The following CTNNA2 variants were observed in gnomAD, a reference collection of about 807,000 sequenced individuals.
CTNNA2 encodes the protein catenin alpha 2, also known as catenin alpha-2.
Under a neutral mutation model 101.0 loss-of-function variants are expected in CTNNA2, and 42 were observed. That is an observed-to-expected ratio of 0.42 (90% CI 0.32 to 0.54). The LOEUF (loss-of-function observed/expected upper bound fraction) is 0.54, where lower values mean the gene tolerates loss of function less well. CTNNA2 is among the 20% of genes least tolerant of loss of function. The pLI is 0.14. For missense variants in CTNNA2, 871 were observed against 1,223.1 expected (o/e 0.71, Z 4.29); for synonymous variants, 450 against 456.4 (o/e 0.99, Z 0.18).
chr2:79,979,177 G>T (rs1413728136), intron 7 of CTNNA2, among the ~76,000 whole-genome samples: 1 of 151,986 alleles, frequency 6.6e-6, no homozygotes, highest in African/African-American at 2.4e-5. Context: ...CATCAGTCCA[G>T]GATTTTGACC....
intron 7 of CTNNA2, among the ~76,000 whole-genome samples, chr2:79,958,702 T>G (rs931896075): frequency 1.3e-5 from 2 of 152,228 alleles, no homozygotes; most frequent in Non-Finnish European, 2.9e-5. Flanking sequence ...TGAGTCGTAT[T>G]AAGCAACTGA....
rs139429628 is a variant in CTNNA2 at position 80,363,939 on chromosome 2, A to G, written c.1057-29272A>G. ...GTGCTACACTTGTGTCGCTTACCCA[A>G]TTACAGCTAATTTTCTTGCATGCAA... On this transcript the variant is annotated intron_variant, in intron 7 of 18. Coordinates refer to ENST00000402739, the MANE Select transcript of CTNNA2 (RefSeq NM_001282597.3). Among the ~76,000 whole-genome samples the G allele has an allele frequency of 2.3e-3, 346 of 152,206 alleles. 2 individuals are homozygous for G. Among genetic ancestry groups the G allele is most frequent in the African/African-American group, 7.8e-3 (326 of 41,552 alleles).
chr2:80,309,924 A>T (rs1188449171), intron 7 of CTNNA2, among the ~76,000 whole-genome samples: 1 of 136,390 alleles, frequency 7.3e-6, no homozygotes, highest in African/African-American at 2.7e-5. Flanking sequence ...TTAAATGAAC[A>T]AACTCTAATA....
chr2:80,603,792 C>T (rs1697763360), intron 15 of CTNNA2: 1 of 333,558 alleles, frequency 3.0e-6, no homozygotes, highest in African/African-American at 2.1e-5. Context: ...ATAAAATTTT[C>T]ATTTCTCTTG....
chr2:79,890,195 G>A (rs899546212), intron 6 of CTNNA2, among the ~76,000 whole-genome samples: 6 of 152,168 alleles, frequency 3.9e-5, no homozygotes, highest in Admixed American at 2.0e-4. Flanking sequence ...AAAGAGGAGC[G>A]AATGGCAGAA....
chr2:79,595,998 T>A (rs764024835), intron 1 of CTNNA2, among the ~76,000 whole-genome samples: 9 of 151,460 alleles, frequency 5.9e-5, no homozygotes, highest in Non-Finnish European at 1.2e-4. Flanking sequence ...TACATGCTTC[T>A]ATTCCCGTCC....
intron 3 of CTNNA2, among the ~76,000 whole-genome samples, chr2:79,316,097 T>G (rs1397167469): frequency 1.3e-5 from 2 of 152,120 alleles, no homozygotes; most frequent in Non-Finnish European, 2.9e-5. Context: ...GGTTTTACAT[T>G]TAAGTTTATG....
chr2:80,155,334 C>T (rs748232708), intron 7 of CTNNA2, among the ~76,000 whole-genome samples: 7 of 152,278 alleles, frequency 4.6e-5, no homozygotes, highest in Admixed American at 2.0e-4. Context: ...GAATGTAAGT[C>T]GCTTTTGCTT....
intron 7 of CTNNA2, among the ~76,000 whole-genome samples, chr2:80,051,504 A>G (rs1015770647): frequency 8.5e-5 from 13 of 152,206 alleles, no homozygotes; most frequent in African/African-American, 2.7e-4. Flanking sequence ...AAAGTGAATA[A>G]TAATTTTTGC....
intron 7 of CTNNA2, among the ~76,000 whole-genome samples, chr2:80,370,974 T>C (rs867653484): frequency 2.0e-5 from 3 of 152,188 alleles, no homozygotes; most frequent in African/African-American, 4.8e-5. Context: ...AGAAGTATGA[T>C]TGAGCAAAAA....
At position 79,450,505 on chromosome 2, in the gene CTNNA2, A is replaced by G. The variant is rs994271743; in HGVS notation, c.-134-54549A>G. ...ACATTTTGAGTTTTAGAGATTATAT[A>G]GTATAAAACTGTTCCATAAGATAGA... On this transcript the variant is annotated intron_variant, in intron 4 of 21. Coordinates refer to the CTNNA2 transcript ENST00000466387. 2.0e-5 allele frequency among the ~76,000 whole-genome samples: 3 copies of G among 152,210 alleles called. No homozygotes were observed. In the East Asian group the frequency reaches 5.8e-4, roughly 29 times the overall value.
intron 7 of CTNNA2, among the ~76,000 whole-genome samples, chr2:80,080,526 T>C (rs908202033): frequency 5.9e-5 from 9 of 152,218 alleles, no homozygotes; most frequent in African/African-American, 1.9e-4. Context: ...AAAAGAAACA[T>C]GGGAGAATAG....
chr2:79,318,263 A>G (rs928222020), intron 3 of CTNNA2, among the ~76,000 whole-genome samples: 4 of 152,186 alleles, frequency 2.6e-5, no homozygotes, highest in East Asian at 1.9e-4. Flanking sequence ...ATGGTGATTT[A>G]GTTATTTTTC....
At chr2:79,745,954 T>A (rs1168357758) in intron 3 of CTNNA2, among the ~76,000 whole-genome samples, 1 of 152,180 alleles carries the variant, frequency 6.6e-6, no homozygotes, top group Non-Finnish European at 1.5e-5. Flanking sequence ...GATAATTATA[T>A]TTTTAATTTT....
At chr2:79,675,437 G>A (rs966557093) in intron 2 of CTNNA2, among the ~76,000 whole-genome samples, 2 of 152,036 alleles carry the variant, frequency 1.3e-5, no homozygotes, top group Non-Finnish European at 2.9e-5. Context: ...TAAGAAAGAT[G>A]TATGCTGGAC....
intron 7 of CTNNA2, among the ~76,000 whole-genome samples, chr2:80,286,562 C>T (rs1469968453): frequency 2.0e-5 from 3 of 152,160 alleles, no homozygotes; most frequent in African/African-American, 4.8e-5. Flanking sequence ...TGCGCTTAGC[C>T]AGTGTTTCCC....
intron 7 of CTNNA2, among the ~76,000 whole-genome samples, chr2:80,200,812 G>C (rs1409601032): frequency 6.6e-6 from 1 of 151,656 alleles, no homozygotes; most frequent in Admixed American, 6.6e-5. Flanking sequence ...GGGATTACAG[G>C]CATGAGCCAC....
intron 8 of CTNNA2, among the ~76,000 whole-genome samples, chr2:80,409,960 T>C (rs1679417785): frequency 6.6e-6 from 1 of 152,330 alleles, no homozygotes; most frequent in East Asian, 1.9e-4. Flanking sequence ...TAAAAGGAAT[T>C]GCAGAGGTGT....
At chr2:80,169,019 G>A (rs569870507) in intron 7 of CTNNA2, among the ~76,000 whole-genome samples, 16 of 152,186 alleles carry the variant, frequency 1.1e-4, no homozygotes, top group Non-Finnish European at 1.6e-4. Context: ...GCTCTGCTCC[G>A]TGAGATAAGG....
Sources: allele counts gnomAD v4.1 joint callset (sites outside exome capture counted in the v4.1 genomes callset), GRCh38; gene constraint gnomAD v4.1.1; transcripts MANE v1.5; gene names NCBI Gene and HGNC (gene_info 2026-07-23, HGNC 2026-07-21).